Variants in IL1RAPL2 observed in about 807,000 individuals in gnomAD.
The protein encoded by IL1RAPL2 is X-linked interleukin-1 receptor accessory protein-like 2.
A neutral mutation model predicts 44.1 loss-of-function variants in IL1RAPL2; 3 were observed. The observed-to-expected ratio is 0.07, with a 90% CI of 0.03 to 0.18. The LOEUF is 0.18. IL1RAPL2 is among the 10% of genes least tolerant of loss of function. The pLI is 1.00. For missense variants in IL1RAPL2, 391 were observed against 496.4 expected, an observed-to-expected ratio of 0.79 and a Z score of 2.02; for synonymous variants, 181 against 178.8, an observed-to-expected ratio of 1.01 and a Z score of -0.10.
intron 6 of IL1RAPL2, among the ~76,000 whole-genome samples, chrX:105,510,217 T>C (rs1157620809): frequency 9.0e-6 from 1 of 111,202 alleles, no homozygotes; most frequent in African/African-American, 3.3e-5. Flanking sequence ...CGCAATATCA[T>C]ATAATAAAGA....
intron 1 of IL1RAPL2, among the ~76,000 whole-genome samples, chrX:104,655,621 T>C (rs1053474689): frequency 8.9e-6 from 1 of 111,777 alleles, no homozygotes; most frequent in Admixed American, 9.5e-5. Context: ...GGGATATTGG[T>C]CTAAAATTCT....
chrX:104,603,693 G>A (rs1289560696), intron 1 of IL1RAPL2, among the ~76,000 whole-genome samples: 1 of 111,547 alleles, frequency 9.0e-6, no homozygotes, highest in Non-Finnish European at 1.9e-5. Context: ...TCAAGCGGAA[G>A]AAAGGATATC....
At chrX:104,684,507 A>T (rs1930946575) in intron 2 of IL1RAPL2, among the ~76,000 whole-genome samples, 1 of 112,160 alleles carries the variant, frequency 8.9e-6, no homozygotes, top group African/African-American at 3.2e-5. Context: ...ATACAGTACA[A>T]ATAAACCCTT....
chrX:105,218,859 C>T (rs1351153470), intron 3 of IL1RAPL2: 2 of 722,080 alleles, frequency 2.8e-6, no homozygotes, highest in African/African-American at 4.3e-5. Flanking sequence ...CTCTTCCCAG[C>T]CTTCTTCCCC....
At chrX:105,080,523 G>T (rs1216007775) in intron 2 of IL1RAPL2, among the ~76,000 whole-genome samples, 3 of 111,011 alleles carry the variant, frequency 2.7e-5, no homozygotes, top group Non-Finnish European at 3.8e-5. Flanking sequence ...AAGATCAGAT[G>T]GTTGCAGATA....
chrX:104,860,387 G>A (rs1336909255), intron 2 of IL1RAPL2, among the ~76,000 whole-genome samples: 1 of 111,081 alleles, frequency 9.0e-6, no homozygotes, highest in African/African-American at 3.3e-5. Flanking sequence ...TTTGTCCTTT[G>A]CATGTCATAG....
chrX:105,054,679 A>C (rs764532782), intron 2 of IL1RAPL2, among the ~76,000 whole-genome samples: 13 of 112,450 alleles, frequency 1.2e-4, no homozygotes, highest in African/African-American at 3.9e-4. Flanking sequence ...AATTAGATAC[A>C]CGTGGCTAGT....
intron 2 of IL1RAPL2, among the ~76,000 whole-genome samples, chrX:105,033,354 G>A (rs1031582406): frequency 3.6e-5 from 4 of 111,651 alleles, no homozygotes; most frequent in Non-Finnish European, 7.5e-5. Context: ...TTTTGCAGTG[G>A]CTGGTACCGG....
chrX:104,784,268 G>T (rs1022327556), intron 2 of IL1RAPL2, among the ~76,000 whole-genome samples: 1 of 112,014 alleles, frequency 8.9e-6, no homozygotes, highest in African/African-American at 3.2e-5. Context: ...GTTATAATGG[G>T]GTTATTCCAC....
intron 2 of IL1RAPL2, among the ~76,000 whole-genome samples, chrX:104,910,755 G>A (rs767467030): frequency 5.4e-5 from 6 of 111,614 alleles, no homozygotes; most frequent in East Asian, 2.8e-4. Flanking sequence ...ACATATTCAC[G>A]TGCACACCTA....
intron 6 of IL1RAPL2, among the ~76,000 whole-genome samples, chrX:105,497,272 G>A (rs1048063779): frequency 7.2e-5 from 8 of 110,594 alleles, no homozygotes; most frequent in African/African-American, 2.6e-4. Context: ...CAACAAATTC[G>A]AAAACCTAGA....
chrX:104,909,555 T>C (rs992730730), intron 2 of IL1RAPL2, among the ~76,000 whole-genome samples: 9 of 111,836 alleles, frequency 8.0e-5, no homozygotes, highest in African/African-American at 2.9e-4. Context: ...TTAGTTTTCC[T>C]TCTAACAGAC....
At chrX:105,295,737 T>G (rs904129052) in intron 5 of IL1RAPL2, among the ~76,000 whole-genome samples, 2 of 112,011 alleles carry the variant, frequency 1.8e-5, no homozygotes, top group Non-Finnish European at 3.8e-5. Flanking sequence ...TAAAATATAT[T>G]TATTACTATG....
chrX:105,440,302 T>A (rs1160059004), intron 5 of IL1RAPL2, among the ~76,000 whole-genome samples: 1 of 112,307 alleles, frequency 8.9e-6, no homozygotes, highest in East Asian at 2.8e-4. Context: ...ACTTGATATT[T>A]TTTTCTGGTG....
intron 2 of IL1RAPL2, among the ~76,000 whole-genome samples, chrX:104,682,172 C>A (rs1189812156): frequency 8.9e-6 from 1 of 111,958 alleles, no homozygotes. Flanking sequence ...GCACCCATAT[C>A]TTACTAAGTA....
At chrX:105,452,678 G>A (rs1327137438) in intron 5 of IL1RAPL2, among the ~76,000 whole-genome samples, 2 of 110,755 alleles carry the variant, frequency 1.8e-5, no homozygotes, top group Admixed American at 9.6e-5. Flanking sequence ...ATAAAAGGGG[G>A]GGGACATTGA....
intron 2 of IL1RAPL2, among the ~76,000 whole-genome samples, chrX:104,967,500 A>G (rs2030148196): frequency 1.0e-5 from 1 of 98,850 alleles, no homozygotes; most frequent in Middle Eastern, 4.7e-3. Flanking sequence ...AAGTTAGCAA[A>G]AGAACAAAAT....
At chrX:105,107,047 A>T (rs2032751062) in intron 2 of IL1RAPL2, among the ~76,000 whole-genome samples, 1 of 111,813 alleles carries the variant, frequency 8.9e-6, no homozygotes, top group African/African-American at 3.2e-5. Context: ...CACAGGCATT[A>T]TTTGCCATCA....
chrX:105,144,880 T>C lies in IL1RAPL2; in HGVS notation c.83-50595T>C, dbSNP rs770146081. On this transcript the variant is annotated intron_variant, in intron 2 of 10. Coordinates refer to ENST00000372582, the MANE Select transcript of IL1RAPL2 (RefSeq NM_017416.2). ...TCACTGAGTATATCCACACACCCTC[T>C]TCACCAGTCCAAGGAGCTAGTCAGG... 2.7e-5 allele frequency among the ~76,000 whole-genome samples: 3 copies of C among 110,911 alleles called. No homozygotes were observed. The South Asian group carries it at 1.2e-3, about 43-fold the overall frequency.
Sources: gnomAD v4.1 joint callset for allele counts (sites outside exome capture counted in the v4.1 genomes callset) on GRCh38, gnomAD v4.1.1 for gene constraint, MANE v1.5 for transcripts, NCBI Gene and HGNC (gene_info 2026-07-23, HGNC 2026-07-21) for gene names.